Variants in UPRT observed in about 807,000 individuals in gnomAD.
UPRT encodes the protein uracil phosphoribosyltransferase homolog.
Under a neutral mutation model 22.6 loss-of-function variants are expected in UPRT, and 5 were observed. The observed-to-expected ratio is 0.22, with a 90% CI of 0.12 to 0.47. The LOEUF is 0.47. UPRT is among the 20% of genes least tolerant of loss of function. The pLI, the probability that UPRT is intolerant of heterozygous loss-of-function variation, is 0.99. For missense variants in UPRT, 181 were observed against 239.9 expected, an observed-to-expected ratio of 0.75 and a Z score of 1.62; for synonymous variants, 77 against 87.7, an observed-to-expected ratio of 0.88 and a Z score of 0.68.
chrX:75,163,621 A>C (rs2082205835), intron 3 of UPRT, among the ~76,000 whole-genome samples: 1 of 112,226 alleles, frequency 8.9e-6, no homozygotes, highest in Non-Finnish European at 1.9e-5. Context: ...TCTACACAAA[A>C]GCCTGAACAT....
chrX:75,282,739 T>C (rs1416869095), intron 1 of UPRT, among the ~76,000 whole-genome samples: 2 of 111,695 alleles, frequency 1.8e-5, no homozygotes, highest in Admixed American at 9.5e-5. Context: ...GAATAGAATA[T>C]GTATTCTGCA....
At chrX:75,159,385 G>A (rs5981783) in intron 1 of UPRT, among the ~76,000 whole-genome samples, 1 of 112,012 alleles carries the variant, frequency 8.9e-6, no homozygotes, top group African/African-American at 3.2e-5. Context: ...AAAGCTAAAT[G>A]TTTCTTTATT....
chrX:75,245,277 A>G (rs1398602915), intron 4 of UPRT, among the ~76,000 whole-genome samples: 4 of 108,936 alleles, frequency 3.7e-5, no homozygotes, highest in Non-Finnish European at 7.6e-5. Flanking sequence ...AAAAAAAAAA[A>G]AAAAAGAAAA....
intron 4 of UPRT, among the ~76,000 whole-genome samples, chrX:75,227,496 T>C (rs753580707): frequency 1.8e-5 from 2 of 111,620 alleles, no homozygotes; most frequent in South Asian, 7.6e-4. Context: ...CCACATTCGA[T>C]GAATGAAGAA....
intron 1 of UPRT, among the ~76,000 whole-genome samples, chrX:75,281,511 A>G (rs763696691): frequency 3.8e-4 from 42 of 111,690 alleles, no homozygotes; most frequent in South Asian, 7.6e-4. Context: ...TTCTGCATCT[A>G]TTGAGATGAT....
chrX:75,183,962 A>G (rs948041983), intron 4 of UPRT, among the ~76,000 whole-genome samples: 3 of 111,718 alleles, frequency 2.7e-5, no homozygotes, highest in Non-Finnish European at 5.6e-5. Flanking sequence ...ACTTTCTCCC[A>G]TTTTGTAGGT....
chrX:75,192,894 G>T (rs2082320561), intron 4 of UPRT, among the ~76,000 whole-genome samples: 1 of 111,782 alleles, frequency 8.9e-6, no homozygotes, highest in Middle Eastern at 4.2e-3. Flanking sequence ...GCATACCATT[G>T]TGTTTTGCTT....
At chrX:75,185,835 G>T (rs1323371699) in intron 4 of UPRT, among the ~76,000 whole-genome samples, 1 of 111,373 alleles carries the variant, frequency 9.0e-6, no homozygotes, top group African/African-American at 3.3e-5. Context: ...TTCTCTGATG[G>T]TAGTTTGTAT....
At chrX:75,262,652 A>G (rs2082572779) in intron 4 of UPRT, among the ~76,000 whole-genome samples, 1 of 111,640 alleles carries the variant, frequency 9.0e-6, no homozygotes, top group African/African-American at 3.3e-5. Flanking sequence ...AGGGGTTGCA[A>G]TCTTGGTCTA....
chrX:75,196,966 G>A (rs985355985), intron 4 of UPRT, among the ~76,000 whole-genome samples: 1 of 111,749 alleles, frequency 8.9e-6, no homozygotes, highest in African/African-American at 3.3e-5. Flanking sequence ...ATCGGGCTTC[G>A]TTTTTTGCAA....
At chrX:75,202,995 C>T (rs1436966007) in intron 4 of UPRT, among the ~76,000 whole-genome samples, 3 of 111,687 alleles carry the variant, frequency 2.7e-5, no homozygotes, top group Non-Finnish European at 5.6e-5. Flanking sequence ...TTAAAAGACT[C>T]AGACTGGCAA....
chrX:75,280,579 A>G (rs756825039), intron 1 of UPRT, among the ~76,000 whole-genome samples: 1 of 111,373 alleles, frequency 9.0e-6, no homozygotes, highest in Admixed American at 9.5e-5. Flanking sequence ...TCAGTTGGCT[A>G]TAAGTATTTG....
chrX:75,270,451 C>A (rs940545575), upstream of UPRT, among the ~76,000 whole-genome samples: 1 of 111,726 alleles, frequency 9.0e-6, no homozygotes, highest in Admixed American at 9.5e-5. Flanking sequence ...AAGACACAGG[C>A]ACACATGTGT....
At chrX:75,189,030 T>C (rs1342688791) in intron 4 of UPRT, among the ~76,000 whole-genome samples, 1 of 112,233 alleles carries the variant, frequency 8.9e-6, no homozygotes, top group Non-Finnish European at 1.9e-5. Flanking sequence ...TTCGGCCATC[T>C]TGGCTCCTCC....
intron 1 of UPRT, chrX:75,274,853 T>G (rs745394440): frequency 3.3e-4 from 135 of 409,539 alleles, no homozygotes; most frequent in Non-Finnish European, 4.4e-5. Context: ...CTTTCCAAGT[T>G]CCGGTGTCTA....
chrX:75,263,425 A>T (rs1158536179), intron 4 of UPRT, among the ~76,000 whole-genome samples: 1 of 111,696 alleles, frequency 9.0e-6, no homozygotes, highest in Admixed American at 9.5e-5. Flanking sequence ...CCGGGATTCA[A>T]CTTCTTCCTG....
intron 4 of UPRT, among the ~76,000 whole-genome samples, chrX:75,231,522 A>T (rs1042231016): frequency 5.3e-5 from 6 of 112,310 alleles, no homozygotes; most frequent in Non-Finnish European, 9.4e-5. Flanking sequence ...TGGAAAACTT[A>T]TTTGAGAGAA....
intron 4 of UPRT, among the ~76,000 whole-genome samples, chrX:75,250,840 G>T (rs1433631389): frequency 8.9e-6 from 1 of 111,820 alleles, no homozygotes; most frequent in African/African-American, 3.3e-5. Context: ...AAATCCAGCA[G>T]CACATCAAAA....
chrX:75,177,791 G>A (rs1044862822), intron 4 of UPRT, among the ~76,000 whole-genome samples: 5 of 111,950 alleles, frequency 4.5e-5, no homozygotes, highest in African/African-American at 6.5e-5. Context: ...ATGTCTTTCC[G>A]ATTGGTGAGC....
Sources: gnomAD v4.1 joint callset for allele counts (sites outside exome capture counted in the v4.1 genomes callset) on GRCh38, gnomAD v4.1.1 for gene constraint, MANE v1.5 for transcripts, NCBI Gene and HGNC (gene_info 2026-07-23, HGNC 2026-07-21) for gene names.